The following SLC35F3 variants were observed in gnomAD, a reference collection of about 807,000 sequenced individuals.
SLC35F3 encodes the protein putative thiamine transporter SLC35F3.
SLC35F3 carries 25 observed loss-of-function variants against 49.9 expected under a neutral mutation model. That is an observed-to-expected ratio of 0.50 (90% CI 0.37 to 0.70). SLC35F3 has a LOEUF of 0.70. Among genes scored for constraint, SLC35F3 ranks in the 30% least tolerant of loss-of-function variants. SLC35F3 has a pLI of 0.00. For missense variants in SLC35F3, 525 were observed against 639.8 expected, an observed-to-expected ratio of 0.82 and a Z score of 1.94; for synonymous variants, 275 against 265.4, an observed-to-expected ratio of 1.04 and a Z score of -0.35.
At chr1:233,922,171 C>T (rs1047940432) in intron 2 of SLC35F3, among the ~76,000 whole-genome samples, 4 of 152,188 alleles carry the variant, frequency 2.6e-5, no homozygotes, top group African/African-American at 9.7e-5. Context: ...AATGGGATGG[C>T]TGGGTCAAAT....
chr1:234,041,495 A>G (rs1337922575), intron 2 of SLC35F3, among the ~76,000 whole-genome samples: 2 of 152,080 alleles, frequency 1.3e-5, no homozygotes, highest in Non-Finnish European at 2.9e-5. Flanking sequence ...GTCCAGGAAG[A>G]AAAAAATGAA....
intron 2 of SLC35F3, among the ~76,000 whole-genome samples, chr1:234,112,792 G>A (rs1313024217): frequency 7.4e-6 from 1 of 135,814 alleles, no homozygotes; most frequent in Non-Finnish European, 1.5e-5. Flanking sequence ...AGCCAGGAAG[G>A]TCTCGATCTC....
At chr1:234,239,980 A>G (rs1213957197) in intron 3 of SLC35F3, among the ~76,000 whole-genome samples, 1 of 131,010 alleles carries the variant, frequency 7.6e-6, no homozygotes, top group Admixed American at 7.7e-5. Context: ...GAAATGAACA[A>G]AATTAAACAC....
At chr1:233,969,150 T>C (rs556362306) in intron 2 of SLC35F3, among the ~76,000 whole-genome samples, 20 of 152,302 alleles carry the variant, frequency 1.3e-4, no homozygotes, top group African/African-American at 4.8e-4. Context: ...TTTTCCTCCT[T>C]TTTTGCAATT....
chr1:234,170,060 C>G (rs1364002965), intron 2 of SLC35F3, among the ~76,000 whole-genome samples: 3 of 152,232 alleles, frequency 2.0e-5, no homozygotes, highest in African/African-American at 7.2e-5. Context: ...AGCCACTGCA[C>G]CTGGCCTCCA....
chr1:234,209,431 C>T (rs967509321), intron 2 of SLC35F3, among the ~76,000 whole-genome samples: 1 of 152,024 alleles, frequency 6.6e-6, no homozygotes, highest in Non-Finnish European at 1.5e-5. Flanking sequence ...TGCTTATACA[C>T]CAGTACACCA....
chr1:233,986,433 A>G (rs1414593893), intron 2 of SLC35F3, among the ~76,000 whole-genome samples: 2 of 152,208 alleles, frequency 1.3e-5, no homozygotes, highest in South Asian at 2.1e-4. Context: ...AAATGTAGAA[A>G]ATAAAGATTT....
rs113233837 is a variant in SLC35F3, at chr1:234,122,846, G to A, written c.284-108571G>A. On this transcript the variant is annotated intron_variant, in intron 2 of 7. Coordinates refer to ENST00000366618, the MANE Select transcript of SLC35F3 (RefSeq NM_173508.4). The stretch of plus-strand genomic sequence containing the variant: ...GTATTCCATGGTGTATACATGCCAC[G>A]TTTTCTTTATGCAGTCTATCATTGA... 6.0e-3 allele frequency among the ~76,000 whole-genome samples: 918 copies of A among 152,158 alleles called. 13 individuals carry two copies. Among genetic ancestry groups the A allele is most frequent in the African/African-American group, 0.021 (883 of 41,504 alleles).
chr1:234,224,751 A>G lies in SLC35F3; in HGVS notation c.284-6666A>G, dbSNP rs150281210. Among the ~76,000 whole-genome samples the G allele has an allele frequency of 7.2e-5, 11 of 152,348 alleles. No individual in the cohort carries two copies. The East Asian group carries it at 1.7e-3, about 24-fold the overall frequency. ...GCTCACTGATTTGTATCCTTGGGAT[A>G]TTAACTCTCAGAACCTCAGCTGTCC... On this transcript the variant is annotated intron_variant, in intron 2 of 7. Coordinates refer to ENST00000366618, the MANE Select transcript of SLC35F3 (RefSeq NM_173508.4).
chr1:234,039,963 G>A (rs1203668194), intron 2 of SLC35F3, among the ~76,000 whole-genome samples: 1 of 151,204 alleles, frequency 6.6e-6, no homozygotes, highest in Non-Finnish European at 1.5e-5. Context: ...CCCTCCACCA[G>A]TGAGGGCAAA....
chr1:234,037,011 AC>A (rs1396508076), intron 2 of SLC35F3, among the ~76,000 whole-genome samples: 1 of 152,246 alleles, frequency 6.6e-6, no homozygotes, highest in African/African-American at 2.4e-5. Context: ...CATTAACTTC[AC>A]AAATATTTAT....
intron 2 of SLC35F3, among the ~76,000 whole-genome samples, chr1:234,222,301 C>T (rs1387354401): frequency 2.0e-5 from 3 of 152,164 alleles, no homozygotes; most frequent in African/African-American, 4.8e-5. Context: ...TTCAGAATGT[C>T]TATCCTTGGG....
chr1:234,164,554 G>A (rs531981318), intron 2 of SLC35F3, among the ~76,000 whole-genome samples: 3 of 152,188 alleles, frequency 2.0e-5, no homozygotes, highest in South Asian at 2.1e-4. Context: ...GGGCGGCCAC[G>A]TGGCTTGCAC....
chr1:234,143,880 C>G (rs1665956668), intron 2 of SLC35F3, among the ~76,000 whole-genome samples: 1 of 151,994 alleles, frequency 6.6e-6, no homozygotes, highest in Admixed American at 6.6e-5. Flanking sequence ...GGATAAATAC[C>G]CAGAAGTGGG....
intron 2 of SLC35F3, among the ~76,000 whole-genome samples, chr1:234,008,782 A>G (rs1022287182): frequency 2.0e-5 from 3 of 152,168 alleles, no homozygotes; most frequent in Non-Finnish European, 4.4e-5. Flanking sequence ...GCTGTCACCC[A>G]GCCCCTCAGG....
At chr1:233,907,548 T>C (rs1661796964) in intron 2 of SLC35F3, among the ~76,000 whole-genome samples, 1 of 152,196 alleles carries the variant, frequency 6.6e-6, no homozygotes, top group South Asian at 2.1e-4. Flanking sequence ...CTCATTCCAC[T>C]CTCTCTATTC....
intron 3 of SLC35F3, chr1:234,268,513 T>C (rs11805821): frequency 0.047 from 7,192 of 152,242 alleles, 237 homozygotes; most frequent in South Asian, 0.084. Flanking sequence ...GGTTATATAC[T>C]TATGACCTAA....
rs775795898 is a variant in SLC35F3, at chr1:234,054,994, A to G, written c.283+149236A>G. Reference sequence around the variant, plus strand: ...GAACGGCAAATGTTGCTACCTGATCATTCCTCTGGAAGCTTCGTCCCAGAG... The same window carrying G: ...GAACGGCAAATGTTGCTACCTGATCGTTCCTCTGGAAGCTTCGTCCCAGAG... On this transcript the variant is annotated intron_variant, in intron 2 of 7. Coordinates refer to ENST00000366618, the MANE Select transcript of SLC35F3 (RefSeq NM_173508.4). Among the ~76,000 whole-genome samples, 37 of 152,254 alleles carry G rather than the reference A, an allele frequency of 2.4e-4. No homozygotes were observed. In the Middle Eastern group the frequency reaches 0.02, roughly 84 times the overall value.
chr1:234,253,756 A>G (rs924508066), intron 3 of SLC35F3, among the ~76,000 whole-genome samples: 2 of 152,258 alleles, frequency 1.3e-5, no homozygotes, highest in Non-Finnish European at 2.9e-5. Flanking sequence ...AGAGAGGCAC[A>G]TACCCAAGGC....
Sources: allele counts gnomAD v4.1 joint callset (sites outside exome capture counted in the v4.1 genomes callset), GRCh38; gene constraint gnomAD v4.1.1; transcripts MANE v1.5; gene names NCBI Gene and HGNC (gene_info 2026-07-23, HGNC 2026-07-21).